CDC42BPG: variants seen among roughly 807,000 people sequenced by gnomAD.
The protein encoded by CDC42BPG is serine/threonine-protein kinase MRCK gamma.
In CDC42BPG, 157 loss-of-function variants were observed where a neutral mutation model predicts 192.2. The ratio of observed to expected loss-of-function variants is 0.82; its 90% CI spans 0.72 to 0.93. CDC42BPG has a LOEUF of 0.93. Ranked by LOEUF, CDC42BPG falls within the 40% of genes least tolerant of loss-of-function variation. CDC42BPG has a pLI of 0.00. For missense variants in CDC42BPG, 1,992 were observed against 2,122.1 expected, an observed-to-expected ratio of 0.94 and a Z score of 1.20; for synonymous variants, 981 against 918.5, an observed-to-expected ratio of 1.07 and a Z score of -1.23.
At chr11:64,841,405 T>C (rs1369763429) in intron 3 of CDC42BPG, among the ~76,000 whole-genome samples, 4 of 147,874 alleles carry the variant, frequency 2.7e-5, no homozygotes, top group African/African-American at 7.5e-5. Flanking sequence ...TGAGCCAAGA[T>C]AGCACCGTTG....
chr11:64,829,949 C>T lies in CDC42BPG; in HGVS notation c.3489G>A (p.Leu1163=). 1 of 1,612,290 alleles carries T rather than the reference C, an allele frequency of 6.2e-7. No individual in the cohort carries two copies. Among genetic ancestry groups the T allele is most frequent in the South Asian group, 1.1e-5 (1 of 91,048 alleles). ...TGGCACCTGCTACCTCTATGTTCTC[C>T]AGCTCCGCCAGGGCAAAGAGACGCA... ...PSVRLFALAE[L]ENIEVAGAKI... Residue 1163 remains leucine (L), a synonymous_variant, in exon 30 of 37, where the codon CTG becomes CTA. Transcript: ENST00000342711.
At chr11:64,834,403 C>T (rs746122375) in intron 19 of CDC42BPG, 26 bp downstream of exon 19, 3 of 1,559,910 alleles carry the variant, frequency 1.9e-6, no homozygotes, top group South Asian at 2.3e-5. Context: ...CGGGCCCTGG[C>T]CCCCAGTGCC....
At chr11:64,832,549 C>T in intron 26 of CDC42BPG, 40 bp from the exon 27 acceptor site, 2 of 1,613,926 alleles carry the variant, frequency 1.2e-6, no homozygotes, top group South Asian at 1.1e-5. Context: ...CTCCCTGTCC[C>T]TGACTGCCCC....
intron 18 of CDC42BPG, 79 bp from the exon 19 acceptor site, chr11:64,834,656 G>A: frequency 6.9e-7 from 1 of 1,454,914 alleles, no homozygotes; most frequent in African/African-American, 1.4e-5. Flanking sequence ...AGAGCATCCT[G>A]CTACCCATGC....
Position 64,835,037 on chromosome 11 carries a change from T to A in CDC42BPG, c.2060+10A>T, listed in dbSNP as rs371393538. The A allele has an allele frequency of 6.8e-5, 35 of 518,448 alleles. No homozygotes were observed. The highest frequency in any genetic ancestry group is 1.2e-4 in the Non-Finnish European group (34 of 279,234). 32.1% of individuals were successfully genotyped at this position (518,448 alleles called of 1,614,324 possible). A position where few individuals can be genotyped will look rare whatever the true frequency, so the allele number is the denominator to read the frequency against. ...TGCGTTCCCCACCCCGACCCACCCC[T>A]GGCACCCACCAGCTGAGGATGTCGG... On this transcript the variant is annotated intron_variant, in intron 17 of 36. Transcript: ENST00000342711.
rs1006868429 is a variant in CDC42BPG, at chr11:64,833,187, A to G, written c.2731+44T>C. ...AACAGCCTGGGTATGCCAGGGCCAC[A>G]CACCTGGGACCGTGGCTGGAGCATA... On this transcript the variant is annotated intron_variant, in intron 24 of 36. Coordinates refer to ENST00000342711, the MANE Select transcript of CDC42BPG (RefSeq NM_017525.3). 7 of 1,441,900 alleles carry G rather than the reference A, an allele frequency of 4.9e-6. No homozygotes were observed. The African/African-American group carries it at 5.6e-5, about 12-fold the overall frequency. 89.3% of individuals were successfully genotyped at this position (1,441,900 alleles called of 1,614,324 possible).
At chr11:64,829,428 T>C in intron 30 of CDC42BPG, 43 bp downstream of exon 30, 1 of 1,589,762 alleles carries the variant, frequency 6.3e-7, no homozygotes, top group Non-Finnish European at 8.5e-7. Context: ...ACCCACCCAC[T>C]GAAGGTGCCT....
At chr11:64,833,405 A>C in intron 23 of CDC42BPG, 69 bp from the exon 24 acceptor site, 1 of 1,022,062 alleles carries the variant, frequency 9.8e-7, no homozygotes, top group Non-Finnish European at 1.4e-6. Flanking sequence ...GGGGTCAGGA[A>C]AGACAAGGGG....
chr11:64,832,825 C>T lies in CDC42BPG; in HGVS notation c.2865+1G>A. On this transcript the variant is annotated splice_donor_variant, in intron 25 of 36. Coordinates refer to ENST00000342711, the MANE Select transcript of CDC42BPG (RefSeq NM_017525.3). LOFTEE classifies it high-confidence loss of function. ...CTTCCCCTCCCTCGGCCCCCACTCA[C>T]CGACAGAAAGCCCTCATAGGCAGTG... 1.9e-6 allele frequency: 3 copies of T among 1,587,118 alleles called. No homozygotes were observed. The highest frequency in any genetic ancestry group is 2.6e-6 in the Non-Finnish European group (3 of 1,167,042).
chr11:64,841,046 G>A (rs1308203247), intron 3 of CDC42BPG, among the ~76,000 whole-genome samples: 1 of 152,122 alleles, frequency 6.6e-6, no homozygotes, highest in Non-Finnish European at 1.5e-5. Flanking sequence ...AGCTACTTGG[G>A]AGGCTGAGGC....
intron 28 of CDC42BPG, 130 bp downstream of exon 28, chr11:64,831,375 C>T (rs189331842): frequency 1.5e-5 from 12 of 821,974 alleles, no homozygotes; most frequent in South Asian, 5.3e-5. Context: ...GGAGCACATA[C>T]GTGGTGCAAG....
rs752495467 is a variant in CDC42BPG at position 64,836,714 on chromosome 11, G to C, written c.1384+25C>G. The C allele has an allele frequency of 5.2e-5, 45 of 866,482 alleles. 5 individuals carry two copies. Among genetic ancestry groups the C allele is most frequent in the African/African-American group, 1.2e-4 (7 of 56,468 alleles). 53.7% of individuals were successfully genotyped at this position (866,482 alleles called of 1,614,324 possible). ...CAGGTGGGACTCAGCCCTGGGGGGG[G>C]GGGGGGGGTGGGCGGAAGGGATACC... is the stretch of plus-strand genomic sequence containing the variant. On this transcript the variant is annotated intron_variant, in intron 11 of 36. Coordinates refer to ENST00000342711, the MANE Select transcript of CDC42BPG (RefSeq NM_017525.3).
rs1464457615 is a variant in CDC42BPG at position 64,834,960 on chromosome 11, C to T, written c.2064G>A (p.Val688=). The T allele has an allele frequency of 2.5e-6, 4 of 1,613,990 alleles. No homozygotes were observed. The highest frequency in any genetic ancestry group is 3.4e-6 in the Non-Finnish European group (4 of 1,179,944). The change falls in exon 18 of 37, where the codon GTG becomes GTA. Residue 688 remains valine (V), a synonymous_variant. Coordinates refer to ENST00000342711, the MANE Select transcript of CDC42BPG (RefSeq NM_017525.3). ...EAQLADILSW[V]NDEKVSRGYL... ...AGCCTCTTGAGACCTTCTCATCATT[C>T]ACCCTGAATGGGAAGGGGCTCAGGG...
Position 64,836,928 on chromosome 11 carries a change from G to C in CDC42BPG, c.1297C>G (p.His433Asp). Residue 433 changes from histidine (H) to aspartate (D), a missense_variant, in exon 10 of 37, where the codon CAC becomes GAC. By Grantham distance (81) the His-to-Asp change is moderately conservative (BLOSUM62 -1). Coordinates refer to ENST00000342711, the MANE Select transcript of CDC42BPG (RefSeq NM_017525.3). ...EQEKVELSRK[H>D]QEALHAPTDH... is the part of the protein sequence containing the mutation. Reference sequence around the variant, plus strand: ...GCCCAGCCGCTCCCAGTACCTTGGTGCTTCCTGCTCAGCTCCACCTTCTCC... The same window carrying C: ...GCCCAGCCGCTCCCAGTACCTTGGTCCTTCCTGCTCAGCTCCACCTTCTCC... 1 of 1,613,418 alleles carries C rather than the reference G, an allele frequency of 6.2e-7. No homozygotes were observed. The highest frequency in any genetic ancestry group is 8.5e-7 in the Non-Finnish European group (1 of 1,179,854).
chr11:64,842,490 G>C (rs967658332), intron 1 of CDC42BPG, among the ~76,000 whole-genome samples: 2 of 152,170 alleles, frequency 1.3e-5, no homozygotes, highest in Non-Finnish European at 2.9e-5. Flanking sequence ...GGGCCCCTCA[G>C]GCTGGAGGCA....
In CDC42BPG at chr11:64,834,490, CGCGGATCTCGGCCTCCAGCGCTGACTGCA is replaced by C. The variant is rs1565683803; in HGVS notation, c.2234_2262del (p.Leu745ArgfsTer20). 4 of 1,573,152 alleles carry C rather than the reference CGCGGATCTCGGCCTCCAGCGCTGACTGCA, an allele frequency of 2.5e-6. No individual in the cohort carries two copies. The highest frequency in any genetic ancestry group is 3.4e-6 in the Non-Finnish European group (4 of 1,159,760). ...AGCCGCTCCTGCAGGCCCTGCTTGGCGCGGATCTCGGCCTCCAGCGCTGACTGCAGCTCCAGCCTGGCCGAGGCCTCCAT... is the reference window on the plus strand; with the variant it reads ...AGCCGCTCCTGCAGGCCCTGCTTGGCGCTCCAGCCTGGCCGAGGCCTCCAT... On this transcript the variant is annotated frameshift_variant, in exon 19 of 37. Coordinates refer to ENST00000342711, the MANE Select transcript of CDC42BPG (RefSeq NM_017525.3). LOFTEE classifies it high-confidence loss of function.
intron 19 of CDC42BPG, 25 bp downstream of exon 19, chr11:64,834,404 C>T (rs1323572115): frequency 3.2e-6 from 5 of 1,561,212 alleles, no homozygotes; most frequent in African/African-American, 1.4e-5. Flanking sequence ...GGGCCCTGGC[C>T]CCCAGTGCCT....
chr11:64,838,014 T>A, intron 9 of CDC42BPG, 69 bp downstream of exon 9: 1 of 1,329,124 alleles, frequency 7.5e-7, no homozygotes, highest in Non-Finnish European at 1.1e-6. Context: ...CCCAGTGGGC[T>A]ACGCGCCCAG....
chr11:64,824,462 A>C lies in CDC42BPG; in HGVS notation c.*11T>G, dbSNP rs1430326042. ...CTGCCCTGGGATTGGGGTGGGCCCT[A>C]ACAGAGGGCATCAAGGAGAGCTCTC... On this transcript the variant is annotated 3_prime_UTR_variant, in exon 37 of 37. Transcript: ENST00000342711. 2 of 1,565,412 alleles carry C rather than the reference A, an allele frequency of 1.3e-6. No individual in the cohort carries two copies. The highest frequency in any genetic ancestry group is 2.7e-5 in the African/African-American group (2 of 74,088).
Sources: gnomAD v4.1 joint callset for allele counts (sites outside exome capture counted in the v4.1 genomes callset) on GRCh38, gnomAD v4.1.1 for gene constraint, MANE v1.5 for transcripts, NCBI Gene and HGNC (gene_info 2026-07-23, HGNC 2026-07-21) for gene names.